DLG3: variants seen among roughly 807,000 people sequenced by gnomAD.
DLG3 encodes the protein discs large MAGUK scaffold protein 3.
Under a neutral mutation model 64.1 loss-of-function variants are expected in DLG3, and 1 was observed. That is an observed-to-expected ratio of 0.02 (90% confidence interval 0.01 to 0.07). DLG3 has a LOEUF of 0.07. Ranked by LOEUF, DLG3 falls within the 10% of genes least tolerant of loss-of-function variation. DLG3 has a pLI of 1.00. For missense variants in DLG3, 429 were observed against 669.5 expected (o/e 0.64, Z 3.96); for synonymous variants, 245 against 259.8 (o/e 0.94, Z 0.55).
chrX:70,497,288 T>C, intron 13 of DLG3: 1 of 1,052,440 alleles, frequency 9.5e-7, no homozygotes. Context: ...CTCATTCCAG[T>C]GTTGCACAGC....
In DLG3 at chrX:70,454,299, C is replaced by T. The variant is rs371545673; in HGVS notation, c.1388C>T (p.Ala463Val). Residue 463 changes from alanine (A) to valine (V), a missense_variant, in exon 9 of 19, where the codon GCC becomes GTC. By Grantham distance (64) the Ala-to-Val change is moderately conservative. Coordinates refer to ENST00000374360, the MANE Select transcript of DLG3 (RefSeq NM_021120.4). ...GCCGGCCAGTCAGTCACCATTGTGG[C>T]CCAGTACAGACCTGAAGGTAGGAGA... ...KRAGQSVTIV[A>V]QYRPEEYSRF... is the part of the protein sequence containing the mutation. 28 of 1,207,737 alleles carry T rather than the reference C, an allele frequency of 2.3e-5. No homozygotes were observed. The African/African-American group carries it at 3.7e-4, about 16-fold the overall frequency.
intron 14 of DLG3, 62 bp from the exon 15 acceptor site, chrX:70,499,114 G>A: frequency 1.2e-6 from 1 of 843,381 alleles, no homozygotes; most frequent in Non-Finnish European, 1.8e-6. Context: ...GCCAGACTCA[G>A]GGGTAGGACA....
chrX:70,449,422 C>G lies in DLG3; in HGVS notation c.472C>G (p.Pro158Ala), dbSNP rs1224875275. 8.3e-7 allele frequency: 1 copy of G among 1,211,437 alleles called. No individual in the cohort carries two copies. The highest frequency in any genetic ancestry group is 1.1e-6 in the Non-Finnish European group (1 of 895,326). Residue 158 changes from proline to alanine, a missense_variant, in exon 3 of 19, where the codon CCT (proline) becomes GCT (alanine). Around this residue, in one of 9 missense-constraint regions of DLG3, gnomAD observed 73 missense variants for 158.5 expected, o/e 0.46. Coordinates refer to ENST00000374360, the MANE Select transcript of DLG3 (RefSeq NM_021120.4). ...CGACAATCCCCATGTCCCTGATGAC[C>G]CTGGCATCTTTATTACCAAGATTAT... ...GIDNPHVPDD[P>A]GIFITKIIPG...
intron 13 of DLG3, among the ~76,000 whole-genome samples, chrX:70,498,266 G>A (rs1230411899): frequency 8.9e-6 from 1 of 112,750 alleles, no homozygotes; most frequent in Non-Finnish European, 1.9e-5. Context: ...GTGGTTTGGG[G>A]TGGAGGCTTC....
intron 9 of DLG3, among the ~76,000 whole-genome samples, chrX:70,462,248 T>TTC: frequency 1.3e-5 from 1 of 77,052 alleles, no homozygotes; most frequent in Admixed American, 1.7e-4. Flanking sequence ...TCTTTCTTTT[T>TTC]TTTTTTTTTT....
chrX:70,452,770 C>T (rs989042778), intron 7 of DLG3: 36 of 1,161,312 alleles, frequency 3.1e-5, no homozygotes, highest in African/African-American at 3.6e-5. Context: ...GAGTGGAGGG[C>T]TAGGAGCAAG....
At chrX:70,485,938 C>T (rs2087246862) in intron 10 of DLG3, among the ~76,000 whole-genome samples, 1 of 111,320 alleles carries the variant, frequency 9.0e-6, no homozygotes, top group African/African-American at 3.3e-5. Context: ...TTTTAAAGGT[C>T]ACCTCTTAAA....
intron 9 of DLG3, among the ~76,000 whole-genome samples, chrX:70,464,466 G>T (rs1330519301): frequency 3.6e-5 from 4 of 110,088 alleles, no homozygotes; most frequent in African/African-American, 9.9e-5. Context: ...TTGCCATGTT[G>T]CTCAGGCTGG....
In DLG3 at chrX:70,445,345, C is replaced by T. The variant is rs775915913; in HGVS notation, c.144C>T (p.Ser48=). 2.6e-6 allele frequency: 3 copies of T among 1,169,905 alleles called. No individual in the cohort carries two copies. Among genetic ancestry groups the T allele is most frequent in the East Asian group, 6.4e-5 (2 of 31,238 alleles). ...GGCCAGGTGGGGGCAACGGCGCCAGCGCGGGTTATGGGGGCTACAGCTCGC... is the reference window on the plus strand; with the variant it reads ...GGCCAGGTGGGGGCAACGGCGCCAGTGCGGGTTATGGGGGCTACAGCTCGC... ...PYGPGGGNGA[S]AGYGGYSSQT... Residue 48 remains serine, a synonymous_variant, in exon 1 of 19, where the codon AGC becomes AGT. Transcript: ENST00000374360.
intron 7 of DLG3, chrX:70,453,340 G>A (rs2086647093): frequency 3.6e-6 from 1 of 281,312 alleles, no homozygotes; most frequent in Admixed American, 5.6e-5. Flanking sequence ...GTGGGCCTGA[G>A]ATTTGGTCTC....
In DLG3 at chrX:70,450,787, C is replaced by T. The variant is rs1064795316; in HGVS notation, c.985+4C>T. 3.3e-6 allele frequency: 4 copies of T among 1,210,017 alleles called. No homozygotes were observed. The highest frequency in any genetic ancestry group is 4.5e-6 in the Non-Finnish European group (4 of 895,236). On this transcript the variant is annotated splice_donor_region_variant and intron_variant, in intron 6 of 18. Coordinates refer to ENST00000374360, the MANE Select transcript of DLG3 (RefSeq NM_021120.4). ...GCTCCCCCTGACTACGCCAGCAGTA[C>T]GTACTCATCAGCCCCTGTCCCTGGT...
In DLG3 at chrX:70,500,509, C is replaced by G; in HGVS notation, c.2184C>G (p.Ile728Met). 8.3e-7 allele frequency: 1 copy of G among 1,211,029 alleles called. No homozygotes were observed. Among genetic ancestry groups the G allele is most frequent in the Non-Finnish European group, 1.1e-6 (1 of 895,063 alleles). Residue 728 changes from isoleucine to methionine, a missense_variant, in exon 17 of 19, where the codon ATC becomes ATG. Around this residue, in one of 9 missense-constraint regions of DLG3, gnomAD observed 48 missense variants for 69.5 expected, o/e 0.69. Transcript: ENST00000374360. Reference sequence around the variant, plus strand: ...TCTTAGATGTTTCCGGCAATGCTATCAAGAGACTGCAGCAAGCACAACTTT... The same window carrying G: ...TCTTAGATGTTTCCGGCAATGCTATGAAGAGACTGCAGCAAGCACAACTTT... ...HCILDVSGNAIKRLQQAQLYP... is the reference protein window; with the variant it reads ...HCILDVSGNAMKRLQQAQLYP...
At chrX:70,483,100 G>A (rs1018564090) in intron 10 of DLG3, among the ~76,000 whole-genome samples, 1 of 110,560 alleles carries the variant, frequency 9.0e-6, no homozygotes, top group African/African-American at 3.3e-5. Context: ...GCACAACATA[G>A]TGAGCCCCAC....
chrX:70,489,222 CT>C (rs1200799067), intron 10 of DLG3, among the ~76,000 whole-genome samples: 1 of 112,243 alleles, frequency 8.9e-6, no homozygotes, highest in African/African-American at 3.2e-5. Context: ...CTGGCAAAAT[CT>C]TTTTGACTTT....
At chrX:70,454,108 CT>C in intron 8 of DLG3, 105 bp from the exon 9 acceptor site, 1 of 683,766 alleles carries the variant, frequency 1.5e-6, no homozygotes, top group Non-Finnish European at 2.3e-6. Context: ...GGAAAGGCAT[CT>C]AAACAGGCTT....
chrX:70,471,884 C>T (rs748105106), intron 9 of DLG3, among the ~76,000 whole-genome samples: 10 of 111,524 alleles, frequency 9.0e-5, no homozygotes, highest in Admixed American at 1.9e-4. Context: ...AGCAGCTTCC[C>T]GGTCTCTGTT....
intron 9 of DLG3, among the ~76,000 whole-genome samples, chrX:70,464,665 A>C (rs774025740): frequency 2.8e-4 from 31 of 111,930 alleles, no homozygotes; most frequent in African/African-American, 9.4e-4. Context: ...AGGTATCTTT[A>C]AAAAAGCAGG....
At position 70,445,246 on chromosome X, in the gene DLG3, G is replaced by A; in HGVS notation, c.45G>A (p.Glu15=). Residue 15 remains glutamate, a synonymous_variant, in exon 1 of 19, where the codon GAG becomes GAA. Transcript: ENST00000374360. ...QHCCKCPECY[E]VTRLAALRRL... is the part of the protein sequence containing the mutation. ...GCTGTAAGTGCCCTGAGTGCTATGAGGTGACCCGCCTGGCCGCCCTGCGGC... is the reference window on the plus strand; with the variant it reads ...GCTGTAAGTGCCCTGAGTGCTATGAAGTGACCCGCCTGGCCGCCCTGCGGC... 1 of 1,164,671 alleles carries A rather than the reference G, an allele frequency of 8.6e-7. No individual in the cohort carries two copies. The highest frequency in any genetic ancestry group is 1.1e-6 in the Non-Finnish European group (1 of 873,147).
chrX:70,452,696 G>A, intron 7 of DLG3: 1 of 1,203,516 alleles, frequency 8.3e-7, no homozygotes, highest in Non-Finnish European at 1.1e-6. Context: ...CGGCCTGGAG[G>A]AGGGCTTCGC....
Sources: allele counts gnomAD v4.1 joint callset (sites outside exome capture counted in the v4.1 genomes callset), GRCh38; gene constraint gnomAD v4.1.1; regional missense constraint gnomAD v4.1.1; transcripts MANE v1.5; gene names NCBI Gene and HGNC (gene_info 2026-07-23, HGNC 2026-07-21).